Variants in BLTP3A observed in about 807,000 individuals in gnomAD.
BLTP3A encodes bridge-like lipid transfer protein family member 3A.
chr6:34,864,104 A>T, the BLTP3A span: 1 of 1,614,090 alleles, frequency 6.2e-7, no homozygotes, highest in Non-Finnish European at 8.5e-7. Context: ...CTCAACAGTC[A>T]TTTGATGGTG....
chr6:34,831,422 C>G, the BLTP3A span, among the ~76,000 whole-genome samples: 1 of 152,208 alleles, frequency 6.6e-6, no homozygotes, highest in Non-Finnish European at 1.5e-5. Flanking sequence ...ACCACTGCGC[C>G]TGGCCCACCC....
the BLTP3A span, chr6:34,835,200 G>A: frequency 7.2e-7 from 1 of 1,388,598 alleles, no homozygotes; most frequent in African/African-American, 1.4e-5. Context: ...ATTGGAGATT[G>A]AAAAGCCGCT....
At chr6:34,867,938 A>C in the BLTP3A span, among the ~76,000 whole-genome samples, 2 of 152,220 alleles carry the variant, frequency 1.3e-5, no homozygotes, top group African/African-American at 4.8e-5. Flanking sequence ...TCTGTCATTC[A>C]GATTCAGTCC....
chr6:34,836,284 C>T, the BLTP3A span: 14 of 1,614,068 alleles, frequency 8.7e-6, no homozygotes, highest in African/African-American at 2.7e-5. Context: ...AAGAGTCCTC[C>T]TACCATCTGC....
chr6:34,838,364 G>A, the BLTP3A span, among the ~76,000 whole-genome samples: 4 of 152,142 alleles, frequency 2.6e-5, no homozygotes, highest in Non-Finnish European at 5.9e-5. Flanking sequence ...TGAGATGAAA[G>A]ATGAACCAGA....
the BLTP3A span, among the ~76,000 whole-genome samples, chr6:34,814,156 A>C: frequency 6.6e-6 from 1 of 152,114 alleles, no homozygotes; most frequent in African/African-American, 2.4e-5. Flanking sequence ...AGCTGGGATT[A>C]CAGGTGTGCC....
the BLTP3A span, chr6:34,835,391 A>G: frequency 6.2e-7 from 1 of 1,614,218 alleles, no homozygotes. Flanking sequence ...ATGATGAAGT[A>G]TGCAGAGTCA....
the BLTP3A span, among the ~76,000 whole-genome samples, chr6:34,795,147 G>A: frequency 6.6e-6 from 1 of 151,790 alleles, no homozygotes; most frequent in Non-Finnish European, 1.5e-5. Context: ...GCAGTGGCGC[G>A]ATCATGGCAC....
the BLTP3A span, among the ~76,000 whole-genome samples, chr6:34,852,523 CT>C: frequency 6.6e-6 from 1 of 151,268 alleles, no homozygotes; most frequent in African/African-American, 2.4e-5. Flanking sequence ...ACAAAGTCCC[CT>C]GTATTCGCCC....
At chr6:34,859,078 C>A in the BLTP3A span, 1 of 1,614,222 alleles carries the variant, frequency 6.2e-7, no homozygotes, top group Non-Finnish European at 8.5e-7. Flanking sequence ...AGATTCAGAG[C>A]TATCTCCTTC....
the BLTP3A span, among the ~76,000 whole-genome samples, chr6:34,826,091 G>T: frequency 2.1e-5 from 3 of 143,338 alleles, no homozygotes; most frequent in South Asian, 2.2e-4. Flanking sequence ...GTGCAATGGT[G>T]CATCTCTGCT....
the BLTP3A span, chr6:34,871,980 A>C: frequency 6.5e-7 from 1 of 1,549,728 alleles, no homozygotes; most frequent in Non-Finnish European, 8.8e-7. Flanking sequence ...TATACTTGTG[A>C]AACTGGTAAA....
At chr6:34,824,515 G>A in the BLTP3A span, among the ~76,000 whole-genome samples, 3 of 141,596 alleles carry the variant, frequency 2.1e-5, no homozygotes, top group Non-Finnish European at 4.5e-5. Context: ...CCGAGATCGC[G>A]CCATTGCACT....
chr6:34,840,938 A>AT, the BLTP3A span, among the ~76,000 whole-genome samples: 1 of 151,800 alleles, frequency 6.6e-6, no homozygotes, highest in Non-Finnish European at 1.5e-5. Flanking sequence ...TACTGCTTTC[A>AT]TATAGCTATT....
the BLTP3A span, chr6:34,834,171 A>G: frequency 6.3e-7 from 1 of 1,580,874 alleles, no homozygotes; most frequent in Non-Finnish European, 8.7e-7. Context: ...GACTGTGCAG[A>G]AAGTCTCCCA....
the BLTP3A span, among the ~76,000 whole-genome samples, chr6:34,793,844 A>C: frequency 6.6e-6 from 1 of 151,782 alleles, no homozygotes; most frequent in Admixed American, 6.6e-5. Context: ...CTATCATAGC[A>C]TTGTTGTTTA....
the BLTP3A span, among the ~76,000 whole-genome samples, chr6:34,822,653 C>T: frequency 6.6e-6 from 1 of 151,998 alleles, no homozygotes; most frequent in Non-Finnish European, 1.5e-5. Flanking sequence ...GTCAGGAGTT[C>T]AAGACCAGCC....
At chr6:34,792,455 C>T in the BLTP3A span, among the ~76,000 whole-genome samples, 4 of 152,092 alleles carry the variant, frequency 2.6e-5, no homozygotes, top group African/African-American at 9.7e-5. Context: ...AGCTTCCCCC[C>T]GCGCCCGCCG....
At chr6:34,847,311 A>C in the BLTP3A span, among the ~76,000 whole-genome samples, 3 of 151,994 alleles carry the variant, frequency 2.0e-5, no homozygotes, top group Non-Finnish European at 4.4e-5. Context: ...TTATCAGGGC[A>C]TACTGGCTTC....
Sources: allele counts gnomAD v4.1 joint callset (sites outside exome capture counted in the v4.1 genomes callset), GRCh38; gene constraint gnomAD v4.1.1; transcripts MANE v1.5; gene names NCBI Gene and HGNC (gene_info 2026-07-23, HGNC 2026-07-21).